Variants in PIK3CD observed in about 807,000 individuals in gnomAD.
The protein encoded by PIK3CD is phosphatidylinositol 4,5-bisphosphate 3-kinase catalytic subunit delta isoform.
Under a neutral mutation model 122.9 loss-of-function variants are expected in PIK3CD, and 20 were observed. The ratio of observed to expected loss-of-function variants is 0.16; its 90% CI spans 0.11 to 0.24. The LOEUF (loss-of-function observed/expected upper bound fraction) is 0.24. PIK3CD is among the 10% of genes least tolerant of loss of function. PIK3CD has a pLI of 1.00. For synonymous variants in PIK3CD, 596 were observed against 593.4 expected (o/e 1.00, Z -0.06); for missense variants, 787 against 1,406.3 (o/e 0.56, Z 7.04).
rs200704745 is a variant in PIK3CD at position 9,713,493 on chromosome 1, G to GT, written c.142-2040dup. ...GCCTGTTTTCTCCTCTATGTACAGT[G>GT]TTTTTTTTGTAATAATTCTGATTAT... is the stretch of plus-strand genomic sequence containing the variant. On this transcript the variant is annotated intron_variant, in intron 3 of 23. Coordinates refer to ENST00000377346, the MANE Select transcript of PIK3CD (RefSeq NM_005026.5). Among the ~76,000 whole-genome samples, 1,386 of 151,910 alleles carry GT rather than the reference G, an allele frequency of 9.1e-3. 20 individuals carry two copies. The highest frequency in any genetic ancestry group is 0.03 in the African/African-American group (1,248 of 41,430).
chr1:9,673,515 C>T (rs894395132), intron 1 of PIK3CD, among the ~76,000 whole-genome samples: 2 of 152,144 alleles, frequency 1.3e-5, no homozygotes, highest in African/African-American at 2.4e-5. Flanking sequence ...CCCACCTTGG[C>T]GTCCTAAAGT....
chr1:9,708,172 TTTTGTTTGTTTG>T (rs368197254), intron 2 of PIK3CD, among the ~76,000 whole-genome samples: 5 of 151,286 alleles, frequency 3.3e-5, no homozygotes, highest in East Asian at 2.0e-4. Context: ...CATACAGGCT[TTTTGTTTGTTTG>T]TTTGTTTGTT....
intron 1 of PIK3CD, among the ~76,000 whole-genome samples, chr1:9,671,887 G>T (rs768511796): frequency 1.3e-5 from 2 of 152,322 alleles, no homozygotes; most frequent in East Asian, 3.9e-4. Flanking sequence ...CACTCAAGGG[G>T]CCTGGACTGG....
Position 9,724,995 on chromosome 1 carries a change from AATGTG to A in PIK3CD, c.2997+61_2997+65del. 3 of 1,602,446 alleles carry A rather than the reference AATGTG, an allele frequency of 1.9e-6. No individual in the cohort carries two copies. In the South Asian group the frequency reaches 3.3e-5, roughly 18 times the overall value. ...GGACTTCCAAGGCCTGCCCCCGAGC[AATGTG>A]ACCTAGGAGGGCCCTGAATGCAGTA... On this transcript the variant is annotated intron_variant, in intron 23 of 23. Transcript: ENST00000377346. This position sits in a 1 kb window ranked among gnomAD's most constrained non-coding sequence, Gnocchi z 7.3.
Position 9,723,824 on chromosome 1 carries a change from C to A in PIK3CD, c.2595-145C>A. The A allele has an allele frequency of 1.3e-6, 1 of 772,326 alleles. No individual in the cohort carries two copies. Among genetic ancestry groups the A allele is most frequent in the Non-Finnish European group, 2.3e-6 (1 of 441,308 alleles). 47.8% of individuals were successfully genotyped at this position (772,326 alleles called of 1,614,324 possible). Reference sequence around the variant, plus strand: ...TTGGCTCTGGAATAGCGTCTGCAAGCGATGTCCAGCATTGTGTCCTCCATG... The same window carrying A: ...TTGGCTCTGGAATAGCGTCTGCAAGAGATGTCCAGCATTGTGTCCTCCATG... On this transcript the variant is annotated intron_variant, in intron 20 of 23. Transcript: ENST00000377346. The surrounding 1 kb of genome is among the most constrained non-coding windows in gnomAD (Gnocchi z 4.9).
intron 1 of PIK3CD, among the ~76,000 whole-genome samples, chr1:9,680,113 T>C (rs1645693906): frequency 6.6e-6 from 1 of 152,004 alleles, no homozygotes; most frequent in African/African-American, 2.4e-5. Flanking sequence ...GCATGAGCCA[T>C]CATGCCTGGC....
the PIK3CD span, among the ~76,000 whole-genome samples, chr1:9,639,587 C>G: frequency 1.3e-5 from 2 of 152,146 alleles, no homozygotes; most frequent in Non-Finnish European, 2.9e-5. Flanking sequence ...GCTGAGCCCC[C>G]CACCCCGGCC....
intron 1 of PIK3CD, among the ~76,000 whole-genome samples, chr1:9,684,618 G>T (rs557480667): frequency 6.6e-6 from 1 of 151,698 alleles, no homozygotes; most frequent in African/African-American, 2.4e-5. Context: ...ACTTTGTGAG[G>T]CTGAGGCAGG....
Position 9,724,424 on chromosome 1 carries a change from G to A in PIK3CD, c.2864+3G>A. 1 of 1,614,018 alleles carries A rather than the reference G, an allele frequency of 6.2e-7. No homozygotes were observed. Among genetic ancestry groups the A allele is most frequent in the Non-Finnish European group, 8.5e-7 (1 of 1,180,032 alleles). On this transcript the variant is annotated splice_donor_region_variant and intron_variant, in intron 22 of 23. Transcript: ENST00000377346. This position sits in a 1 kb window ranked among gnomAD's most constrained non-coding sequence, Gnocchi z 7.3. ...AATAATAGTGAGAAATTTGAACGGT[G>A]AGAGTGCCTGAGCCCCACCAGATGC...
chr1:9,709,620 G>A lies in PIK3CD; in HGVS notation c.-32-804G>A, dbSNP rs570396934. Among the ~76,000 whole-genome samples the A allele has an allele frequency of 5.3e-5, 8 of 152,092 alleles. No individual in the cohort carries two copies. The South Asian group carries it at 1.5e-3, about 28-fold the overall frequency. ...CTTGGGAGGGTGAGATGGGAACATC[G>A]CTTGAACCTAGGAATTTGTGTTACA... is the stretch of plus-strand genomic sequence containing the variant. On this transcript the variant is annotated intron_variant, in intron 2 of 23. Coordinates refer to ENST00000377346, the MANE Select transcript of PIK3CD (RefSeq NM_005026.5).
chr1:9,709,158 T>C (rs1264759906), intron 2 of PIK3CD, among the ~76,000 whole-genome samples: 3 of 152,000 alleles, frequency 2.0e-5, no homozygotes, highest in African/African-American at 7.2e-5. Context: ...GCCTCCTGGG[T>C]AGCTGGGATT....
Position 9,718,684 on chromosome 1 carries a change from CCTT to C in PIK3CD, c.1021-7_1021-5del, listed in dbSNP as rs1174967449. 1.2e-6 allele frequency: 2 copies of C among 1,601,812 alleles called. No individual in the cohort carries two copies. Among genetic ancestry groups the C allele is most frequent in the Non-Finnish European group, 1.7e-6 (2 of 1,179,442 alleles). On this transcript the variant is annotated splice_region_variant and splice_polypyrimidine_tract_variant and intron_variant, in intron 8 of 23. Transcript: ENST00000377346. The surrounding 1 kb of genome is among the most constrained non-coding windows in gnomAD (Gnocchi z 7.2). ...TGCCTCCTCACCCATCATCCCGGCA[CCTT>C]CTACAGCTGGTGGTGCAGGCCGGGC... is the stretch of plus-strand genomic sequence containing the variant.
chr1:9,631,208 A>G, the PIK3CD span, among the ~76,000 whole-genome samples: 3 of 152,112 alleles, frequency 2.0e-5, no homozygotes, highest in Non-Finnish European at 4.4e-5. Context: ...ACCCAAAGAG[A>G]ACTATGTGTG....
rs1174663820 is a variant in PIK3CD, at chr1:9,716,932, A to G, written c.781-27A>G. ...AGGGAGTGGTTGGGGCCGCCCCACCAGCCGCTCACCCTGCACCCCGTCTCA... is the reference window on the plus strand; with the variant it reads ...AGGGAGTGGTTGGGGCCGCCCCACCGGCCGCTCACCCTGCACCCCGTCTCA... On this transcript the variant is annotated intron_variant, in intron 6 of 23. Coordinates refer to ENST00000377346, the MANE Select transcript of PIK3CD (RefSeq NM_005026.5). 3.7e-6 allele frequency: 6 copies of G among 1,613,354 alleles called. No homozygotes were observed. In the Admixed American group the frequency reaches 8.3e-5, roughly 22 times the overall value.
chr1:9,639,825 G>A, the PIK3CD span, among the ~76,000 whole-genome samples: 1 of 152,172 alleles, frequency 6.6e-6, no homozygotes, highest in Non-Finnish European at 1.5e-5. Flanking sequence ...TGCCTCCCGG[G>A]TTCAAGCGAT....
In PIK3CD at chr1:9,716,607, C is replaced by T. The variant is rs149720281; in HGVS notation, c.768C>T (p.Leu256=). The part of the protein sequence containing the change: ...RHEYLYGSYP[L]CQFQYICSCL... ...AGTACCTGTATGGCAGCTACCCGCT[C>T]TGCCAGTTCCAGGTGAGGCCGCTGA... is the stretch of plus-strand genomic sequence containing the variant. Residue 256 remains leucine, a synonymous_variant, in exon 6 of 24, where the codon CTC becomes CTT. Coordinates refer to ENST00000377346, the MANE Select transcript of PIK3CD (RefSeq NM_005026.5). 1.3e-6 allele frequency: 2 copies of T among 1,560,040 alleles called. No homozygotes were observed. The highest frequency in any genetic ancestry group is 2.4e-5 in the East Asian group (1 of 41,318).
In PIK3CD at chr1:9,717,751, A is replaced by C; in HGVS notation, c.1020+125A>C. ...AAGCCACCTGACCACATTACCCAGCATCCCTGCCTGGGGCGCTGTGAGCGG... is the reference window on the plus strand; with the variant it reads ...AAGCCACCTGACCACATTACCCAGCCTCCCTGCCTGGGGCGCTGTGAGCGG... On this transcript the variant is annotated intron_variant, in intron 8 of 23. Coordinates refer to ENST00000377346, the MANE Select transcript of PIK3CD (RefSeq NM_005026.5). The surrounding 1 kb of genome is among the most constrained non-coding windows in gnomAD (Gnocchi z 5.4). 1.1e-6 allele frequency: 1 copy of C among 884,970 alleles called. No individual in the cohort carries two copies. Among genetic ancestry groups the C allele is most frequent in the Non-Finnish European group, 1.8e-6 (1 of 547,634 alleles). 54.8% of individuals were successfully genotyped at this position (884,970 alleles called of 1,614,324 possible).
At chr1:9,694,208 C>T (rs1646313922) in intron 2 of PIK3CD, among the ~76,000 whole-genome samples, 1 of 152,184 alleles carries the variant, frequency 6.6e-6, no homozygotes, top group Non-Finnish European at 1.5e-5. Context: ...ATAACTGTCA[C>T]ATATTGACAT....
chr1:9,690,474 G>T (rs1201405808), intron 1 of PIK3CD, among the ~76,000 whole-genome samples: 2 of 152,086 alleles, frequency 1.3e-5, no homozygotes, highest in African/African-American at 4.8e-5. Context: ...TCACTTAATT[G>T]GTCAGCAATG....
Sources: allele counts gnomAD v4.1 joint callset (sites outside exome capture counted in the v4.1 genomes callset), GRCh38; gene constraint gnomAD v4.1.1; non-coding constraint Gnocchi (gnomAD v3.1); transcripts MANE v1.5; gene names NCBI Gene and HGNC (gene_info 2026-07-23, HGNC 2026-07-21).